The following ADGRL2 variants were observed in gnomAD, a reference collection of about 807,000 sequenced individuals.
ADGRL2 encodes adhesion G protein-coupled receptor L2.
Under a neutral mutation model 157.4 loss-of-function variants are expected in ADGRL2, and 44 were observed. The observed-to-expected ratio is 0.28, with a 90% CI of 0.22 to 0.36. The LOEUF is 0.36. Ranked by LOEUF, ADGRL2 falls within the 10% of genes least tolerant of loss-of-function variation. The pLI is 1.00. For synonymous variants in ADGRL2, 585 were observed against 624.7 expected (o/e 0.94, Z 0.95); for missense variants, 1,510 against 1,768.9 (o/e 0.85, Z 2.63).
chr1:81,748,172 A>T (rs2149256043), intron 1 of ADGRL2, among the ~76,000 whole-genome samples: 1 of 152,238 alleles, frequency 6.6e-6, no homozygotes, highest in South Asian at 2.1e-4. Flanking sequence ...AAAATGGTCA[A>T]TTTTTGTTTG....
chr1:81,592,582 A>C (rs558998413), intron 3 of ADGRL2, among the ~76,000 whole-genome samples: 1 of 152,328 alleles, frequency 6.6e-6, no homozygotes, highest in South Asian at 2.1e-4. Context: ...GGATCTCTAA[A>C]AGCAGAAACT....
At chr1:81,821,325 T>G (rs2149855491) in intron 1 of ADGRL2, among the ~76,000 whole-genome samples, 1 of 152,278 alleles carries the variant, frequency 6.6e-6, no homozygotes, top group South Asian at 2.1e-4. Flanking sequence ...TGTATAAATT[T>G]TCAGCAAAGG....
chr1:81,974,031 A>C (rs542543958), intron 17 of ADGRL2, among the ~76,000 whole-genome samples: 1 of 152,300 alleles, frequency 6.6e-6, no homozygotes, highest in Admixed American at 6.5e-5. Context: ...ATTGTATACT[A>C]TCCTTTTAAG....
At chr1:81,330,014 T>C (rs1557601508) in intron 1 of ADGRL2, among the ~76,000 whole-genome samples, 1 of 152,198 alleles carries the variant, frequency 6.6e-6, no homozygotes, top group South Asian at 2.1e-4. Flanking sequence ...AAGAAAACTG[T>C]TATTTTGATT....
At chr1:81,848,164 C>T (rs377043291) in intron 2 of ADGRL2, among the ~76,000 whole-genome samples, 19 of 151,644 alleles carry the variant, frequency 1.3e-4, no homozygotes, top group African/African-American at 3.4e-4. Flanking sequence ...TTTAATTTTA[C>T]GATAATACCA....
intron 1 of ADGRL2, among the ~76,000 whole-genome samples, chr1:81,332,876 T>C (rs1473091205): frequency 3.9e-5 from 6 of 152,198 alleles, no homozygotes; most frequent in Non-Finnish European, 8.8e-5. Flanking sequence ...TATATGTTTT[T>C]CTTTACCTTT....
intron 3 of ADGRL2, among the ~76,000 whole-genome samples, chr1:81,930,006 G>A (rs1454064487): frequency 6.6e-6 from 1 of 152,140 alleles, no homozygotes; most frequent in Non-Finnish European, 1.5e-5. Flanking sequence ...TAAGTAAGCA[G>A]CTGACCTGGA....
chr1:81,746,632 A>G (rs2085255257), intron 1 of ADGRL2, among the ~76,000 whole-genome samples: 1 of 152,118 alleles, frequency 6.6e-6, no homozygotes, highest in Non-Finnish European at 1.5e-5. Context: ...TATTTTATAA[A>G]AAGCCTCTGA....
intron 1 of ADGRL2, among the ~76,000 whole-genome samples, chr1:81,370,424 G>C (rs531343492): frequency 2.6e-5 from 4 of 152,168 alleles, no homozygotes; most frequent in Admixed American, 2.6e-4. Context: ...CTAGGGGAAT[G>C]CTTTTGTCTG....
Position 81,943,795 on chromosome 1 carries a change from T to TA in ADGRL2, c.1210+27dup. The TA allele has an allele frequency of 1.9e-6, 3 of 1,540,110 alleles. No individual in the cohort carries two copies. The South Asian group carries it at 3.6e-5, about 18-fold the overall frequency. On this transcript the variant is annotated intron_variant, in intron 6 of 23. Coordinates refer to ENST00000686636, the MANE Select transcript of ADGRL2 (RefSeq NM_001366006.2). The surrounding 1 kb of genome is among the most constrained non-coding windows in gnomAD (Gnocchi z 5.6). ...GTAAGCGTGTTTACTTGCTAATGCT[T>TA]ATGTCATTTTGTGAAAAGCATTTTT...
At chr1:81,494,521 C>G (rs1451687231) in intron 2 of ADGRL2, among the ~76,000 whole-genome samples, 2 of 152,106 alleles carry the variant, frequency 1.3e-5, no homozygotes, top group African/African-American at 4.8e-5. Flanking sequence ...TCACCTGTGA[C>G]ATTCATTTCA....
In ADGRL2 at chr1:81,383,902, C is replaced by T. The variant is rs565276860; in HGVS notation, c.-301-61134C>T. On this transcript the variant is annotated intron_variant, in intron 1 of 24. Coordinates refer to the ADGRL2 transcript ENST00000370721. ...CCAGGAGGCGGAGGTTGCAGTGAGC[C>T]GAGATCACACCACTGCACTCCAGCC... is the stretch of plus-strand genomic sequence containing the variant. Among the ~76,000 whole-genome samples, 201 of 142,558 alleles carry T rather than the reference C, an allele frequency of 1.4e-3. 2 individuals carry two copies. Among genetic ancestry groups the T allele is most frequent in the African/African-American group, 5.1e-3 (196 of 38,498 alleles). The allele number at this position is 142,558 out of a possible 152,430, so 93.5% of individuals were successfully genotyped here.
chr1:81,444,551 A>G (rs4131236), intron 1 of ADGRL2, among the ~76,000 whole-genome samples: 3,595 of 152,242 alleles, frequency 0.024, 70 homozygotes, highest in African/African-American at 0.042. Context: ...CTAACGGTCA[A>G]AGTTTGGCCT....
chr1:81,503,170 C>T lies in ADGRL2; in HGVS notation c.-248+58081C>T, dbSNP rs144007739. ...CCAGCGCAACTTTTTCAGCATGGCACGGCAGCTCCCCATGAAGATCAGGAT... is the reference window on the plus strand; with the variant it reads ...CCAGCGCAACTTTTTCAGCATGGCATGGCAGCTCCCCATGAAGATCAGGAT... On this transcript the variant is annotated intron_variant, in intron 2 of 24. Transcript: ENST00000370721. 849 of 1,614,190 alleles carry T rather than the reference C, an allele frequency of 5.3e-4. 12 individuals are homozygous for T. The East Asian group carries it at 0.017, about 31-fold the overall frequency.
intron 3 of ADGRL2, among the ~76,000 whole-genome samples, chr1:81,669,261 G>C (rs1314522615): frequency 6.6e-6 from 1 of 151,950 alleles, no homozygotes; most frequent in East Asian, 1.9e-4. Context: ...TTTATTATAA[G>C]ACTTTTAGCC....
chr1:81,390,586 G>C (rs1415850558), intron 1 of ADGRL2, among the ~76,000 whole-genome samples: 1 of 151,920 alleles, frequency 6.6e-6, no homozygotes, highest in African/African-American at 2.4e-5. Context: ...CCTATCATTT[G>C]TTTCAATTTA....
intron 1 of ADGRL2, among the ~76,000 whole-genome samples, chr1:81,706,533 C>T (rs773874962): frequency 7.9e-5 from 12 of 152,150 alleles, no homozygotes; most frequent in Non-Finnish European, 1.6e-4. Context: ...ACTGAGAAGA[C>T]GCAGGGCTAA....
intron 1 of ADGRL2, among the ~76,000 whole-genome samples, chr1:81,761,019 G>T (rs1260245624): frequency 6.6e-6 from 1 of 151,600 alleles, no homozygotes; most frequent in South Asian, 2.1e-4. Context: ...AAAAAAGAAG[G>T]TATTTTCTAT....
chr1:81,974,746 C>T (rs1659682881), intron 17 of ADGRL2, among the ~76,000 whole-genome samples: 1 of 152,038 alleles, frequency 6.6e-6, no homozygotes, highest in African/African-American at 2.4e-5. Context: ...ATAAAACAAA[C>T]TGTGCACTCC....
Sources: gnomAD v4.1 joint callset for allele counts (sites outside exome capture counted in the v4.1 genomes callset) on GRCh38, gnomAD v4.1.1 for gene constraint, Gnocchi (gnomAD v3.1) non-coding constraint, MANE v1.5 for transcripts, NCBI Gene and HGNC (gene_info 2026-07-23, HGNC 2026-07-21) for gene names.